The following RC3H1 variants were observed in gnomAD, a reference collection of about 807,000 sequenced individuals.
The protein encoded by RC3H1 is roquin-1.
In RC3H1, 50 loss-of-function variants were observed where a neutral mutation model predicts 138.2. The ratio of observed to expected loss-of-function variants is 0.36; its 90% CI spans 0.29 to 0.46. RC3H1 has a LOEUF of 0.46. RC3H1 is among the 20% of genes least tolerant of loss of function. The pLI is 1.00. For synonymous variants in RC3H1, 462 were observed against 489.1 expected, an observed-to-expected ratio of 0.94 and a Z score of 0.73; for missense variants, 1,031 against 1,388.1, an observed-to-expected ratio of 0.74 and a Z score of 4.09.
rs1557913770 is a variant in RC3H1 at position 173,936,763 on chromosome 1, T to TA, written c.*1957_*1958insT. On this transcript the variant is annotated 3_prime_UTR_variant, in exon 20 of 20. Coordinates refer to ENST00000367696, the MANE Select transcript of RC3H1 (RefSeq NM_172071.4). ...TATATATATATATATATATATATAT[T>TA]TTTTTTTTTTTTTTTAAAAAAAGAA... The TA allele has an allele frequency of 9.2e-3, 167 of 18,156 alleles. No homozygotes were observed. The highest frequency in any genetic ancestry group is 0.029 in the South Asian group (11 of 380). The allele number at this position is 18,156 out of a possible 1,614,324, so 1.1% of individuals were successfully genotyped here.
At chr1:173,972,429 G>A (rs1433850282) in intron 8 of RC3H1, 80 bp downstream of exon 8, 1 of 903,458 alleles carries the variant, frequency 1.1e-6, no homozygotes, top group African/African-American at 1.6e-5. Flanking sequence ...TGTATCTGTA[G>A]GTATACCCAC....
At chr1:173,999,543 A>G (rs1430966444) in intron 1 of RC3H1, among the ~76,000 whole-genome samples, 1 of 152,258 alleles carries the variant, frequency 6.6e-6, no homozygotes, top group Admixed American at 6.5e-5. Context: ...AAAATAACAA[A>G]TAACTACATA....
intron 2 of RC3H1, among the ~76,000 whole-genome samples, chr1:173,987,123 T>C (rs1661059828): frequency 2.6e-5 from 4 of 152,326 alleles, no homozygotes; most frequent in African/African-American, 9.6e-5. Flanking sequence ...GATGTTAAAT[T>C]TGAACAGCTG....
At position 173,954,747 on chromosome 1, in the gene RC3H1, C is replaced by T. The variant is rs540622111; in HGVS notation, c.2371-2609G>A. Among the ~76,000 whole-genome samples the T allele has an allele frequency of 5.3e-5, 8 of 152,094 alleles. No individual in the cohort carries two copies. In the South Asian group the frequency reaches 1.5e-3, roughly 28 times the overall value. On this transcript the variant is annotated intron_variant, in intron 13 of 19. Coordinates refer to ENST00000367696, the MANE Select transcript of RC3H1 (RefSeq NM_172071.4). ...GGGCATGGTGGGTGGATTGCTTGAG[C>T]CCACGAGTTTGAGACCACCAGCCTG...
chr1:173,970,475 A>C, intron 9 of RC3H1, 30 bp downstream of exon 9: 1 of 1,433,854 alleles, frequency 7.0e-7, no homozygotes, highest in Non-Finnish European at 9.8e-7. Context: ...CTTACACCTT[A>C]TTCCAAAGTC....
At chr1:173,984,886 A>G (rs1257535771) in intron 2 of RC3H1, among the ~76,000 whole-genome samples, 2 of 152,186 alleles carry the variant, frequency 1.3e-5, no homozygotes, top group Non-Finnish European at 2.9e-5. Context: ...GTATATTCAC[A>G]GTTGTCCAAA....
At chr1:173,952,247 A>T in intron 13 of RC3H1, 109 bp from the exon 14 acceptor site, 1 of 676,324 alleles carries the variant, frequency 1.5e-6, no homozygotes, top group Non-Finnish European at 2.2e-6. Flanking sequence ...TTCTTAGAAC[A>T]TCGTGCTGAA....
intron 7 of RC3H1, 79 bp downstream of exon 7, chr1:173,978,409 C>A: frequency 6.7e-7 from 1 of 1,486,232 alleles, no homozygotes; most frequent in Non-Finnish European, 9.1e-7. Flanking sequence ...CCTAGAGGAA[C>A]AACAAAAGAT....
chr1:173,966,458 G>C (rs1407982450), intron 9 of RC3H1, among the ~76,000 whole-genome samples: 2 of 152,116 alleles, frequency 1.3e-5, no homozygotes, highest in African/African-American at 4.8e-5. Context: ...GCTCATACCT[G>C]TAATCCCAGC....
At chr1:174,016,202 A>T (rs1571245200) in intron 1 of RC3H1, 1 of 151,664 alleles carries the variant, frequency 6.6e-6, no homozygotes, top group East Asian at 1.9e-4. Flanking sequence ...CTCCGTCTCA[A>T]AAAAAAAGTT....
intron 18 of RC3H1, among the ~76,000 whole-genome samples, chr1:173,943,035 T>C (rs778574934): frequency 6.6e-6 from 1 of 152,086 alleles, no homozygotes; most frequent in Non-Finnish European, 1.5e-5. Context: ...ATAGCAAAAA[T>C]AGGTCATCAT....
chr1:173,990,848 C>A (rs1346184050), intron 2 of RC3H1, among the ~76,000 whole-genome samples: 1 of 151,606 alleles, frequency 6.6e-6, no homozygotes, highest in East Asian at 2.0e-4. Context: ...GTGATCCACC[C>A]GCCTCGGCCT....
chr1:173,940,885 G>A (rs556009741), intron 19 of RC3H1, among the ~76,000 whole-genome samples: 4 of 151,022 alleles, frequency 2.6e-5, no homozygotes, highest in East Asian at 2.0e-4. Context: ...ACAGTGGCAC[G>A]ATCTTGGCTC....
intron 9 of RC3H1, among the ~76,000 whole-genome samples, chr1:173,967,329 G>T (rs1459318388): frequency 1.3e-5 from 2 of 151,972 alleles, no homozygotes; most frequent in African/African-American, 4.8e-5. Flanking sequence ...CAAAAAAAAA[G>T]TAACAGATAA....
At chr1:173,989,103 A>G (rs953502463) in intron 2 of RC3H1, among the ~76,000 whole-genome samples, 5 of 152,246 alleles carry the variant, frequency 3.3e-5, no homozygotes, top group African/African-American at 1.2e-4. Context: ...ATCGAGGCTC[A>G]CTGCAGCCTC....
chr1:173,942,771 A>C (rs12086019), intron 18 of RC3H1, among the ~76,000 whole-genome samples: 43,706 of 151,652 alleles, frequency 0.29, 11,276 homozygotes, highest in African/African-American at 0.7. Context: ...CAGAGCTTGC[A>C]ATGAGCCGAG....
intron 1 of RC3H1, among the ~76,000 whole-genome samples, chr1:174,020,572 G>C (rs1354637180): frequency 5.9e-5 from 9 of 152,186 alleles, no homozygotes; most frequent in Admixed American, 5.9e-4. Flanking sequence ...CCTTGCAGTT[G>C]AATGTTAACA....
rs1003525851 is a variant in RC3H1 at position 173,935,297 on chromosome 1, G to T, written c.*3424C>A. ...ATGGAATCTAGATGTCTTATTCTCA[G>T]TTCTTCTACCCTTTCCTAGCGACTC... On this transcript the variant is annotated 3_prime_UTR_variant, in exon 20 of 20. Coordinates refer to ENST00000367696, the MANE Select transcript of RC3H1 (RefSeq NM_172071.4). The T allele has an allele frequency of 1.3e-5, 2 of 152,062 alleles. No homozygotes were observed. Among genetic ancestry groups the T allele is most frequent in the African/African-American group, 2.4e-5 (1 of 41,402 alleles). The allele number at this position is 152,062 out of a possible 1,614,324, so 9.4% of individuals were successfully genotyped here.
rs187080255 is a variant in RC3H1, at chr1:173,980,796, A to C, written c.969+13T>G. 9 of 1,603,486 alleles carry C rather than the reference A, an allele frequency of 5.6e-6. No individual in the cohort carries two copies. The Admixed American group carries it at 1.0e-4, about 18-fold the overall frequency. On this transcript the variant is annotated intron_variant, in intron 6 of 19. Transcript: ENST00000367696. ...AGATTAGTCTAAGAAGTAAGGAACA[A>C]AAAAGGTCCTACCTTGTCAATAATG... is the stretch of plus-strand genomic sequence containing the variant.
Sources: allele counts gnomAD v4.1 joint callset (sites outside exome capture counted in the v4.1 genomes callset), GRCh38; gene constraint gnomAD v4.1.1; transcripts MANE v1.5; gene names NCBI Gene and HGNC (gene_info 2026-07-23, HGNC 2026-07-21).